The following GCNT2 variants were observed in gnomAD, a reference collection of about 807,000 sequenced individuals.
The protein encoded by GCNT2 is glucosaminyl (N-acetyl) transferase 2 (I blood group).
In GCNT2, 34 loss-of-function variants were observed where a neutral mutation model predicts 34.2. That is an observed-to-expected ratio of 1.00 (90% CI 0.76 to 1.32). The LOEUF (loss-of-function observed/expected upper bound fraction) is 1.32, where lower values mean the gene tolerates loss of function less well. GCNT2 is among the 40% of genes most tolerant of loss of function. The pLI is 0.00. For synonymous variants in GCNT2, 212 were observed against 188.0 expected, an observed-to-expected ratio of 1.13 and a Z score of -1.04; for missense variants, 584 against 489.4, an observed-to-expected ratio of 1.19 and a Z score of -1.82.
At chr6:10,536,664 T>C (rs1761771006) in intron 3 of GCNT2, among the ~76,000 whole-genome samples, 1 of 151,606 alleles carries the variant, frequency 6.6e-6, no homozygotes, top group Non-Finnish European at 1.5e-5. Flanking sequence ...TCTTGTCAAC[T>C]TCTAGAAAAG....
intron 3 of GCNT2, among the ~76,000 whole-genome samples, chr6:10,606,606 C>T (rs1244432227): frequency 8.7e-6 from 1 of 114,886 alleles, no homozygotes; most frequent in Non-Finnish European, 2.1e-5. Flanking sequence ...CCTTTAACTT[C>T]CATTAAAGAA....
At chr6:10,612,286 C>T (rs1765592713) in intron 3 of GCNT2, among the ~76,000 whole-genome samples, 1 of 152,166 alleles carries the variant, frequency 6.6e-6, no homozygotes, top group African/African-American at 2.4e-5. Context: ...CGCGCCCGGC[C>T]TTTGTTTTTG....
rs1425642393 is a variant in GCNT2, at chr6:10,549,561, C to CTT, written c.925+19726_925+19727insTT. On this transcript the variant is annotated intron_variant, in intron 3 of 4. Coordinates refer to ENST00000495262, the MANE Select transcript of GCNT2 (RefSeq NM_145649.5). ...ACTTCCTTTCTCTCTCAATCTCTCT[C>CTT]TCTTTTTTTTTTTTTTTTTTTTTTT... Among the ~76,000 whole-genome samples, 49 of 111,314 alleles carry CTT rather than the reference C, an allele frequency of 4.4e-4. 1 individual carries two copies. Among genetic ancestry groups the CTT allele is most frequent in the South Asian group, 5.5e-4 (2 of 3,622 alleles). The allele number at this position is 111,314 out of a possible 152,430, so 73.0% of individuals were successfully genotyped here.
intron 3 of GCNT2, among the ~76,000 whole-genome samples, chr6:10,564,491 A>T (rs976339006): frequency 3.3e-5 from 5 of 152,298 alleles, no homozygotes; most frequent in African/African-American, 9.6e-5. Context: ...AGAGTCAGAG[A>T]GAACCAGGTT....
At chr6:10,551,309 C>T (rs1242503125) in intron 3 of GCNT2, among the ~76,000 whole-genome samples, 2 of 152,056 alleles carry the variant, frequency 1.3e-5, no homozygotes, top group Non-Finnish European at 2.9e-5. Context: ...CAGATTACAC[C>T]AGCTCACACA....
At chr6:10,555,425 A>G (rs1762651845) in intron 3 of GCNT2, among the ~76,000 whole-genome samples, 1 of 152,144 alleles carries the variant, frequency 6.6e-6, no homozygotes, top group Non-Finnish European at 1.5e-5. Flanking sequence ...GGGCAGGCAT[A>G]TGACACTTCT....
In GCNT2 at chr6:10,521,888, G is replaced by A. The variant is rs147473265; in HGVS notation, c.-469+471G>A. Among the ~76,000 whole-genome samples, 256 of 151,130 alleles carry A rather than the reference G, an allele frequency of 1.7e-3. 3 individuals are homozygous for A. The highest frequency in any genetic ancestry group is 5.7e-3 in the African/African-American group (233 of 40,956). On this transcript the variant is annotated intron_variant, in intron 1 of 4. Coordinates refer to ENST00000495262, the MANE Select transcript of GCNT2 (RefSeq NM_145649.5). ...AGAATTTGATAAGGTACTTGGTACT[G>A]TCTGGCATTTAAATTTTTTTTTTTT...
intron 1 of GCNT2, among the ~76,000 whole-genome samples, chr6:10,521,978 C>G (rs1760938176): frequency 5.3e-5 from 8 of 151,858 alleles, no homozygotes. Context: ...CAGCTTACTG[C>G]AACCCCCACC....
At chr6:10,536,167 G>T (rs929738059) in intron 3 of GCNT2, among the ~76,000 whole-genome samples, 1 of 152,160 alleles carries the variant, frequency 6.6e-6, no homozygotes, top group Non-Finnish European at 1.5e-5. Flanking sequence ...GAGCCCCAGG[G>T]ATGTGGCTGG....
chr6:10,522,049 G>A (rs1035665824), intron 1 of GCNT2, among the ~76,000 whole-genome samples: 13 of 151,712 alleles, frequency 8.6e-5, no homozygotes, highest in South Asian at 2.1e-4. Flanking sequence ...AACCAAGCCC[G>A]GCTAATTTTT....
intron 3 of GCNT2, chr6:10,586,241 C>G: frequency 6.2e-7 from 1 of 1,614,166 alleles, no homozygotes; most frequent in African/African-American, 1.3e-5. Flanking sequence ...ATCACTACAT[C>G]ACAAGTCCCC....
At chr6:10,528,201 A>G (rs631299) in intron 2 of GCNT2, among the ~76,000 whole-genome samples, 72,743 of 152,044 alleles carry the variant, frequency 0.48, 18,265 homozygotes, top group South Asian at 0.69. Flanking sequence ...TTTACCCAGC[A>G]GCAGACAAAA....
chr6:10,553,876 A>G (rs956614233), intron 3 of GCNT2, among the ~76,000 whole-genome samples: 6 of 152,264 alleles, frequency 3.9e-5, no homozygotes, highest in Non-Finnish European at 8.8e-5. Context: ...CCTGGGTGAC[A>G]GAGTCAGACA....
intron 1 of GCNT2, among the ~76,000 whole-genome samples, chr6:10,526,537 C>T (rs1282996108): frequency 6.6e-6 from 1 of 151,786 alleles, no homozygotes; most frequent in Non-Finnish European, 1.5e-5. Flanking sequence ...ATAGTAAGTG[C>T]AGAATGCAGG....
chr6:10,614,640 A>AG (rs1273725328), intron 3 of GCNT2, among the ~76,000 whole-genome samples: 4 of 149,252 alleles, frequency 2.7e-5, no homozygotes, highest in African/African-American at 1.0e-4. Flanking sequence ...AAAAAAAAAA[A>AG]AAAAAGAGAA....
intron 3 of GCNT2, among the ~76,000 whole-genome samples, chr6:10,580,293 GC>G (rs1467300169): frequency 6.6e-6 from 1 of 152,054 alleles, no homozygotes; most frequent in African/African-American, 2.4e-5. Flanking sequence ...AGGGATGCAG[GC>G]TCTCTCATTC....
At chr6:10,559,031 G>A (rs1403854076) in intron 3 of GCNT2, among the ~76,000 whole-genome samples, 1 of 148,986 alleles carries the variant, frequency 6.7e-6, no homozygotes, top group East Asian at 2.0e-4. Flanking sequence ...ATTGTGCTGA[G>A]ATGAGGGCAT....
At chr6:10,561,661 C>T (rs1273193176) in intron 3 of GCNT2, among the ~76,000 whole-genome samples, 2 of 152,228 alleles carry the variant, frequency 1.3e-5, no homozygotes, top group Non-Finnish European at 2.9e-5. Context: ...CTACCCCACT[C>T]TTTGGCTTCA....
intron 3 of GCNT2, among the ~76,000 whole-genome samples, chr6:10,569,235 CCACACACACACACACACACACACA>C (rs373362957): frequency 1.1e-4 from 5 of 47,464 alleles, no homozygotes; most frequent in African/African-American, 2.8e-4. Flanking sequence ...ACTCCCCCCG[CCACACACACACACACACACACACA>C]CACACACACA....
Sources: gnomAD v4.1 joint callset for allele counts (sites outside exome capture counted in the v4.1 genomes callset) on GRCh38, gnomAD v4.1.1 for gene constraint, MANE v1.5 for transcripts, NCBI Gene and HGNC (gene_info 2026-07-23, HGNC 2026-07-21) for gene names.